The following PRKD1 variants were observed in gnomAD, a reference collection of about 807,000 sequenced individuals.
PRKD1 encodes the protein serine/threonine-protein kinase D1.
Under a neutral mutation model 95.9 loss-of-function variants are expected in PRKD1, and 63 were observed. That is an observed-to-expected ratio of 0.66 (90% CI 0.54 to 0.81). The LOEUF is 0.81. Ranked by LOEUF, PRKD1 falls within the 30% of genes least tolerant of loss-of-function variation. PRKD1 has a pLI of 0.00. For missense variants in PRKD1, 1,048 were observed against 1,165.3 expected (o/e 0.90, Z 1.47); for synonymous variants, 425 against 423.1 (o/e 1.00, Z -0.05).
chr14:29,854,799 G>A (rs950165763), intron 1 of PRKD1, among the ~76,000 whole-genome samples: 1 of 152,152 alleles, frequency 6.6e-6, no homozygotes. Context: ...TCCATGCTTT[G>A]TGCAGCCTAG....
At chr14:29,911,293 C>T (rs1298506012) in intron 1 of PRKD1, among the ~76,000 whole-genome samples, 3 of 152,048 alleles carry the variant, frequency 2.0e-5, no homozygotes, top group Non-Finnish European at 2.9e-5. Context: ...TAAAGGATAC[C>T]ATAATTCTTC....
intron 1 of PRKD1, among the ~76,000 whole-genome samples, chr14:29,842,776 A>C (rs757056249): frequency 7.2e-5 from 11 of 152,218 alleles, no homozygotes; most frequent in Non-Finnish European, 7.3e-5. Context: ...GATTATGAGC[A>C]TACCAAGCAT....
intron 1 of PRKD1, among the ~76,000 whole-genome samples, chr14:29,826,804 C>CAT (rs1303314668): frequency 3.0e-5 from 1 of 33,514 alleles, no homozygotes; most frequent in Non-Finnish European, 5.6e-5. Context: ...TATATATACA[C>CAT]ATATATATAC....
chr14:29,845,634 T>G (rs976978221), intron 1 of PRKD1, among the ~76,000 whole-genome samples: 7 of 152,162 alleles, frequency 4.6e-5, no homozygotes, highest in Non-Finnish European at 1.0e-4. Flanking sequence ...TTTGCTAACT[T>G]GATAAAACTA....
At chr14:29,790,782 A>T (rs564583639) in intron 1 of PRKD1, among the ~76,000 whole-genome samples, 4 of 152,340 alleles carry the variant, frequency 2.6e-5, no homozygotes, top group Admixed American at 6.5e-5. Context: ...CTTTAACTAT[A>T]CACAAAGCCC....
rs574683023 is a variant in PRKD1 at position 29,849,748 on chromosome 14, T to TA, written c.264+77500dup. 9.1e-3 allele frequency among the ~76,000 whole-genome samples: 1,324 copies of TA among 146,240 alleles called. 6 individuals are homozygous for TA. The highest frequency in any genetic ancestry group is 0.016 in the Admixed American group (236 of 14,672). ...TAAATCAAGCATCATTCTGATAATATAAAAAAAAAACTGCAGTTCGATATC... is the reference window on the plus strand; with the variant it reads ...TAAATCAAGCATCATTCTGATAATATAAAAAAAAAAACTGCAGTTCGATATC... On this transcript the variant is annotated intron_variant, in intron 1 of 17. Coordinates refer to ENST00000331968, the MANE Select transcript of PRKD1 (RefSeq NM_002742.3).
chr14:29,593,784 G>A (rs926827106), intron 16 of PRKD1, among the ~76,000 whole-genome samples: 1 of 152,122 alleles, frequency 6.6e-6, no homozygotes, highest in Admixed American at 6.6e-5. Context: ...TTACAGATAG[G>A]TTTCTGTTAT....
chr14:29,873,486 CA>C (rs11297410), intron 1 of PRKD1, among the ~76,000 whole-genome samples: 150,654 of 150,914 alleles, frequency 1, 75,201 homozygotes, highest in Middle Eastern at 1. Context: ...GTTACTGATA[CA>C]AAAAAAAAAA....
chr14:29,729,738 T>C (rs67957468), intron 1 of PRKD1, among the ~76,000 whole-genome samples: 6,134 of 152,138 alleles, frequency 0.04, 220 homozygotes, highest in African/African-American at 0.087. Flanking sequence ...TGGAAGCTTG[T>C]ATTATTGATT....
chr14:29,651,546 A>G (rs935571214), intron 4 of PRKD1, among the ~76,000 whole-genome samples: 4 of 152,088 alleles, frequency 2.6e-5, no homozygotes, highest in African/African-American at 9.7e-5. Flanking sequence ...AATATTTTAG[A>G]GGCTGAATTT....
At chr14:29,606,547 T>C (rs1893710104) in intron 13 of PRKD1, among the ~76,000 whole-genome samples, 1 of 152,188 alleles carries the variant, frequency 6.6e-6, no homozygotes, top group African/African-American at 2.4e-5. Context: ...CTTGTATTTA[T>C]TTAATATCTA....
chr14:29,841,155 T>C (rs975084141), intron 1 of PRKD1, among the ~76,000 whole-genome samples: 2 of 152,234 alleles, frequency 1.3e-5, no homozygotes, highest in Non-Finnish European at 2.9e-5. Flanking sequence ...ACGAAGTAAC[T>C]AACTTGCTTT....
chr14:29,710,134 A>G (rs1399807038), intron 2 of PRKD1, among the ~76,000 whole-genome samples: 2 of 152,186 alleles, frequency 1.3e-5, no homozygotes, highest in Non-Finnish European at 2.9e-5. Flanking sequence ...TGGGTTTTGA[A>G]TAAGTAAATG....
intron 1 of PRKD1, among the ~76,000 whole-genome samples, chr14:29,924,442 C>G (rs1274330372): frequency 6.6e-6 from 1 of 152,152 alleles, no homozygotes; most frequent in East Asian, 1.9e-4. Context: ...CAGCCTTGTA[C>G]ACCTCAGTTG....
chr14:29,753,372 T>C (rs1338944909), intron 1 of PRKD1, among the ~76,000 whole-genome samples: 1 of 152,128 alleles, frequency 6.6e-6, no homozygotes, highest in African/African-American at 2.4e-5. Flanking sequence ...AGTCCTTGGG[T>C]GGCTCTATAT....
intron 2 of PRKD1, among the ~76,000 whole-genome samples, chr14:29,717,708 AATATT>A: frequency 6.6e-6 from 1 of 152,278 alleles, no homozygotes; most frequent in East Asian, 1.9e-4. Context: ...TGTGGCAAGA[AATATT>A]ATTTATTTAA....
intron 1 of PRKD1, among the ~76,000 whole-genome samples, chr14:29,782,360 A>G (rs1167252185): frequency 6.6e-6 from 1 of 152,116 alleles, no homozygotes; most frequent in African/African-American, 2.4e-5. Context: ...CTGAGTTTTG[A>G]GCATTACTAG....
At chr14:29,886,752 G>A in intron 1 of PRKD1, among the ~76,000 whole-genome samples, 1 of 152,176 alleles carries the variant, frequency 6.6e-6, no homozygotes, top group South Asian at 2.1e-4. Flanking sequence ...TACTGAATAA[G>A]ATAATCTTCA....
chr14:29,761,126 C>T (rs1352865997), intron 1 of PRKD1, among the ~76,000 whole-genome samples: 1 of 152,076 alleles, frequency 6.6e-6, no homozygotes, highest in Non-Finnish European at 1.5e-5. Context: ...TTTTAATTAC[C>T]ATTTTATTCC....
Sources: gnomAD v4.1 joint callset for allele counts (sites outside exome capture counted in the v4.1 genomes callset) on GRCh38, gnomAD v4.1.1 for gene constraint, MANE v1.5 for transcripts, NCBI Gene and HGNC (gene_info 2026-07-23, HGNC 2026-07-21) for gene names.